The following CMSS1 variants were observed in gnomAD, a reference collection of about 807,000 sequenced individuals.
CMSS1 encodes protein CMSS1.
CMSS1 carries 33 observed loss-of-function variants against 43.5 expected under a neutral mutation model. The observed-to-expected ratio is 0.76, with a 90% CI of 0.57 to 1.01. The LOEUF (loss-of-function observed/expected upper bound fraction) is 1.01, where lower values mean the gene tolerates loss of function less well. CMSS1 is among the 50% of genes least tolerant of loss of function. The pLI is 0.00. For synonymous variants in CMSS1, 115 were observed against 117.2 expected (o/e 0.98, Z 0.12); for missense variants, 313 against 326.4 (o/e 0.96, Z 0.32).
intron 1 of CMSS1, among the ~76,000 whole-genome samples, chr3:99,828,184 G>A (rs1942571281): frequency 6.6e-6 from 1 of 151,948 alleles, no homozygotes; most frequent in Non-Finnish European, 1.5e-5. Context: ...GATTCCAATG[G>A]GTTTTTTTTC....
chr3:100,158,319 C>A (rs1409330106), intron 2 of CMSS1, among the ~76,000 whole-genome samples: 1 of 152,084 alleles, frequency 6.6e-6, no homozygotes, highest in East Asian at 1.9e-4. Context: ...TTTAAAATTG[C>A]TACATTTCAT....
chr3:100,067,900 G>A (rs2065693798), intron 1 of CMSS1, among the ~76,000 whole-genome samples: 2 of 151,884 alleles, frequency 1.3e-5, no homozygotes, highest in South Asian at 4.2e-4. Context: ...GTAAACAGAT[G>A]CAATCAAAGC....
chr3:99,921,343 C>T (rs571246850), intron 1 of CMSS1, among the ~76,000 whole-genome samples: 1 of 152,244 alleles, frequency 6.6e-6, no homozygotes, highest in South Asian at 2.1e-4. Context: ...TCATTTAATA[C>T]TACTTTGATG....
At chr3:100,001,714 T>A (rs1432390483) in intron 1 of CMSS1, among the ~76,000 whole-genome samples, 1 of 152,192 alleles carries the variant, frequency 6.6e-6, no homozygotes, top group Non-Finnish European at 1.5e-5. Context: ...ATTGCAGATG[T>A]GGCCAAGGTT....
intron 1 of CMSS1, among the ~76,000 whole-genome samples, chr3:99,941,394 C>T (rs901187790): frequency 6.6e-6 from 1 of 152,160 alleles, no homozygotes; most frequent in African/African-American, 2.4e-5. Flanking sequence ...CTAATTCTGC[C>T]AAAGGGCCTT....
chr3:99,995,770 T>C (rs370042245), intron 1 of CMSS1, among the ~76,000 whole-genome samples: 25 of 152,348 alleles, frequency 1.6e-4, no homozygotes, highest in East Asian at 1.5e-3. Flanking sequence ...TCTTGTACCC[T>C]CTGAAGCCAC....
At chr3:99,886,071 G>A (rs1276433991) in intron 1 of CMSS1, among the ~76,000 whole-genome samples, 1 of 152,214 alleles carries the variant, frequency 6.6e-6, no homozygotes, top group Non-Finnish European at 1.5e-5. Context: ...TCTATATCAA[G>A]GAAGGTGGAA....
At chr3:99,832,306 C>T (rs1045191363) in intron 1 of CMSS1, among the ~76,000 whole-genome samples, 5 of 149,950 alleles carry the variant, frequency 3.3e-5, no homozygotes, top group Non-Finnish European at 7.4e-5. Flanking sequence ...TATCGGCTCA[C>T]TGCAAGCTCC....
chr3:99,938,897 C>A (rs1207995291), intron 1 of CMSS1, among the ~76,000 whole-genome samples: 1 of 152,152 alleles, frequency 6.6e-6, no homozygotes, highest in East Asian at 1.9e-4. Context: ...ACTCAGCCAG[C>A]TGCAGTAAAG....
chr3:99,896,551 G>A (rs1247829914), intron 1 of CMSS1, among the ~76,000 whole-genome samples: 1 of 152,120 alleles, frequency 6.6e-6, no homozygotes, highest in Non-Finnish European at 1.5e-5. Flanking sequence ...TCAGGAAATA[G>A]GACCCTTTAT....
intron 1 of CMSS1, chr3:99,849,920 T>A: frequency 6.2e-7 from 1 of 1,612,572 alleles, no homozygotes. Context: ...TTCAACATAT[T>A]AACTCTTGAC....
In CMSS1 at chr3:100,176,323, T is replaced by C. The variant is rs780378885; in HGVS notation, c.668-4T>C. On this transcript the variant is annotated splice_region_variant and splice_polypyrimidine_tract_variant and intron_variant, in intron 8 of 9. Transcript: ENST00000421999. ...TACAGCAACTCTCTTCCTGTCTCTT[T>C]CAGGTGGCCTTAATTTGAGCCCCTT... 7.5e-6 allele frequency: 12 copies of C among 1,600,886 alleles called. No individual in the cohort carries two copies. Among genetic ancestry groups the C allele is most frequent in the Non-Finnish European group, 7.7e-6 (9 of 1,168,388 alleles).
At chr3:100,025,910 G>T (rs941895203) in intron 1 of CMSS1, among the ~76,000 whole-genome samples, 2 of 152,296 alleles carry the variant, frequency 1.3e-5, no homozygotes, top group Admixed American at 6.5e-5. Flanking sequence ...CTTGGTACCA[G>T]CCTGGGCCTC....
intron 1 of CMSS1, among the ~76,000 whole-genome samples, chr3:99,905,548 G>A (rs957260308): frequency 9.9e-5 from 15 of 152,138 alleles, no homozygotes; most frequent in African/African-American, 3.6e-4. Flanking sequence ...CGTTTATTGA[G>A]GTATAATTTA....
intron 1 of CMSS1, among the ~76,000 whole-genome samples, chr3:100,069,754 T>A (rs1347920357): frequency 6.6e-6 from 1 of 152,120 alleles, no homozygotes; most frequent in Non-Finnish European, 1.5e-5. Flanking sequence ...TGCCAGAAAT[T>A]TCAGAATTTG....
chr3:100,047,462 A>T (rs890063380), intron 1 of CMSS1, among the ~76,000 whole-genome samples: 5 of 152,230 alleles, frequency 3.3e-5, no homozygotes, highest in Non-Finnish European at 2.9e-5. Flanking sequence ...CTAAAGTATC[A>T]TGTCCTCCTT....
intron 1 of CMSS1, among the ~76,000 whole-genome samples, chr3:99,923,377 A>G (rs1326185776): frequency 1.3e-5 from 2 of 152,094 alleles, no homozygotes; most frequent in African/African-American, 4.8e-5. Flanking sequence ...TCTCCTACCT[A>G]CTCACCAAGT....
intron 1 of CMSS1, among the ~76,000 whole-genome samples, chr3:100,097,126 A>G (rs1293151161): frequency 1.3e-5 from 2 of 152,212 alleles, no homozygotes; most frequent in African/African-American, 4.8e-5. Flanking sequence ...TCATAGGAGC[A>G]CAAACCCTAT....
At chr3:99,991,876 A>G (rs1285640431) in intron 1 of CMSS1, among the ~76,000 whole-genome samples, 1 of 149,940 alleles carries the variant, frequency 6.7e-6, no homozygotes, top group Non-Finnish European at 1.5e-5. Context: ...ATATATACAC[A>G]CATATATGTA....
Sources: gnomAD v4.1 joint callset for allele counts (sites outside exome capture counted in the v4.1 genomes callset) on GRCh38, gnomAD v4.1.1 for gene constraint, MANE v1.5 for transcripts, NCBI Gene and HGNC (gene_info 2026-07-23, HGNC 2026-07-21) for gene names.